The following ETNK1 variants were observed in gnomAD, a reference collection of about 807,000 sequenced individuals.
ETNK1 encodes ethanolamine kinase 1, also known as putative protein product of Nbla10396.
In ETNK1, 8 loss-of-function variants were observed where a neutral mutation model predicts 45.1. The ratio of observed to expected loss-of-function variants is 0.18; its 90% CI spans 0.10 to 0.32. The LOEUF is 0.32. ETNK1 is among the 10% of genes least tolerant of loss of function. The pLI is 1.00. For missense variants in ETNK1, 302 were observed against 430.6 expected, an observed-to-expected ratio of 0.70 and a Z score of 2.64; for synonymous variants, 152 against 151.9, an observed-to-expected ratio of 1.00 and a Z score of -0.01.
intron 4 of ETNK1, among the ~76,000 whole-genome samples, chr12:22,663,863 C>G (rs1338592758): frequency 6.8e-6 from 1 of 148,114 alleles, no homozygotes. Flanking sequence ...TTTTTTTTCT[C>G]TCTCCTTACG....
At chr12:22,648,725 T>C (rs1425618440) in intron 2 of ETNK1, among the ~76,000 whole-genome samples, 1 of 152,054 alleles carries the variant, frequency 6.6e-6, no homozygotes, top group African/African-American at 2.4e-5. Context: ...TTAACTCCTT[T>C]GGGTAAATGC....
At chr12:22,634,443 G>A (rs758491116) in intron 1 of ETNK1, among the ~76,000 whole-genome samples, 8 of 152,060 alleles carry the variant, frequency 5.3e-5, no homozygotes, top group Non-Finnish European at 7.4e-5. Context: ...CAAGTTCAGA[G>A]GTGTTTCTTC....
At chr12:22,651,772 G>T (rs1189644454) in intron 2 of ETNK1, among the ~76,000 whole-genome samples, 1 of 141,744 alleles carries the variant, frequency 7.1e-6, no homozygotes, top group Non-Finnish European at 1.5e-5. Context: ...TGCAATCTCT[G>T]CCTCCCAGGT....
intron 1 of ETNK1, chr12:22,625,875 C>A: frequency 1.5e-6 from 1 of 656,870 alleles, no homozygotes; most frequent in Non-Finnish European, 2.8e-6. Flanking sequence ...AGTTGCCCCT[C>A]CTCCCACTCC....
At chr12:22,684,276 A>T (rs1277716710) in intron 6 of ETNK1, among the ~76,000 whole-genome samples, 1 of 152,144 alleles carries the variant, frequency 6.6e-6, no homozygotes, top group East Asian at 1.9e-4. Context: ...ATTTACCATA[A>T]TCTCCTTTGG....
chr12:22,625,364 G>C lies in ETNK1; in HGVS notation c.-67G>C, dbSNP rs1460191296. 3 of 1,546,164 alleles carry C rather than the reference G, an allele frequency of 1.9e-6. No homozygotes were observed. The highest frequency in any genetic ancestry group is 2.4e-5 in the South Asian group (2 of 84,848). On this transcript the variant is annotated 5_prime_UTR_variant, in exon 1 of 8. Transcript: ENST00000266517. ...GGACGGAAGGATCCACCAGTCTGTC[G>C]GCGCCCGCCGTTCTCGTGGTCGCCG...
Position 22,625,324 on chromosome 12 carries a change from C to T in ETNK1, c.-107C>T, listed in dbSNP as rs977382747. 1.9e-6 allele frequency: 3 copies of T among 1,596,430 alleles called. No individual in the cohort carries two copies. Among genetic ancestry groups the T allele is most frequent in the Admixed American group, 1.7e-5 (1 of 57,920 alleles). ...CCCGTCCCAGCGCCCCCAGCCCTCC[C>T]GCGAGGGCGCCCCGGGACGGAAGGA... On this transcript the variant is annotated 5_prime_UTR_variant, in exon 1 of 8. Coordinates refer to ENST00000266517, the MANE Select transcript of ETNK1 (RefSeq NM_018638.5).
At chr12:22,682,954 T>C (rs929694443) in intron 6 of ETNK1, among the ~76,000 whole-genome samples, 5 of 152,214 alleles carry the variant, frequency 3.3e-5, no homozygotes, top group Non-Finnish European at 7.3e-5. Context: ...ATACCTGATA[T>C]ACTTTTTTAG....
chr12:22,649,546 G>A (rs1953848513), intron 2 of ETNK1, among the ~76,000 whole-genome samples: 2 of 151,906 alleles, frequency 1.3e-5, no homozygotes, highest in African/African-American at 2.4e-5. Flanking sequence ...CTGTTTCTGG[G>A]TTCTCTATTC....
At chr12:22,653,475 C>T (rs148774728) in intron 2 of ETNK1, among the ~76,000 whole-genome samples, 1 of 152,174 alleles carries the variant, frequency 6.6e-6, no homozygotes, top group Non-Finnish European at 1.5e-5. Flanking sequence ...ATATTGTTTT[C>T]CAATCCATGA....
At chr12:22,626,234 T>C in intron 1 of ETNK1, 1 of 158,948 alleles carries the variant, frequency 6.3e-6, no homozygotes, top group Non-Finnish European at 1.4e-5. Context: ...GACTGTTTCC[T>C]TTTCATGAGA....
chr12:22,684,645 G>T lies in ETNK1; in HGVS notation c.1019+89G>T, dbSNP rs1954243549. 5 of 963,116 alleles carry T rather than the reference G, an allele frequency of 5.2e-6. No homozygotes were observed. In the Admixed American group the frequency reaches 9.6e-5, roughly 19 times the overall value. 59.7% of individuals were successfully genotyped at this position (963,116 alleles called of 1,614,324 possible). On this transcript the variant is annotated intron_variant, in intron 7 of 7. Transcript: ENST00000266517. ...TTCACAGGGAATATTGTAGTTATTT[G>T]CAATCAATTATAAAAGTTGTATACA...
chr12:22,684,819 A>T, intron 7 of ETNK1, 63 bp from the exon 8 acceptor site: 1 of 1,333,196 alleles, frequency 7.5e-7, no homozygotes, highest in East Asian at 2.3e-5. Context: ...CTGAGTGAAA[A>T]TAAGGGAAGG....
chr12:22,658,987 C>T (rs758842277), intron 2 of ETNK1, 27 bp from the exon 3 acceptor site: 1 of 1,596,766 alleles, frequency 6.3e-7, no homozygotes, highest in South Asian at 1.1e-5. Flanking sequence ...TTAAGTTTTT[C>T]TTTTTATGCG....
chr12:22,633,149 T>G (rs77592020), intron 1 of ETNK1, among the ~76,000 whole-genome samples: 1,621 of 152,352 alleles, frequency 0.011, 24 homozygotes, highest in African/African-American at 0.034. Flanking sequence ...TGTTAGACAC[T>G]TTCAGTTTTC....
At chr12:22,645,444 A>C (rs1183398335) in intron 2 of ETNK1, among the ~76,000 whole-genome samples, 1 of 151,824 alleles carries the variant, frequency 6.6e-6, no homozygotes, top group Non-Finnish European at 1.5e-5. Flanking sequence ...TTGGTATTTG[A>C]TACAATGTTA....
chr12:22,647,294 T>A (rs1163245992), intron 2 of ETNK1, among the ~76,000 whole-genome samples: 1 of 151,754 alleles, frequency 6.6e-6, no homozygotes, highest in Non-Finnish European at 1.5e-5. Context: ...AGAAATGCAG[T>A]TTCAAATCAA....
At position 22,673,679 on chromosome 12, in the gene ETNK1, A is replaced by G; in HGVS notation, c.945+19A>G. ...TGCATTGGTAAGTTTAAATGTACAC[A>G]ATTAATGAAAGGTTCTTACTGTAAT... On this transcript the variant is annotated intron_variant, in intron 6 of 7. Transcript: ENST00000266517. The G allele has an allele frequency of 6.3e-7, 1 of 1,587,884 alleles. No homozygotes were observed.
At chr12:22,630,023 G>T (rs899715846) in intron 1 of ETNK1, among the ~76,000 whole-genome samples, 1 of 152,328 alleles carries the variant, frequency 6.6e-6, no homozygotes, top group African/African-American at 2.4e-5. Context: ...TAAAGTGCTA[G>T]TTTGTTTTCC....
Sources: gnomAD v4.1 joint callset for allele counts (sites outside exome capture counted in the v4.1 genomes callset) on GRCh38, gnomAD v4.1.1 for gene constraint, MANE v1.5 for transcripts, NCBI Gene and HGNC (gene_info 2026-07-23, HGNC 2026-07-21) for gene names.